CHD7: variants seen among roughly 807,000 people sequenced by gnomAD.
CHD7 encodes the protein ATP-dependent chromatin remodeler CHD7.
A neutral mutation model predicts 307.3 loss-of-function variants in CHD7; 24 were observed. The observed-to-expected ratio is 0.08, with a 90% CI of 0.06 to 0.11. The LOEUF is 0.11. Ranked by LOEUF, CHD7 falls within the 10% of genes least tolerant of loss-of-function variation. The pLI, the probability that CHD7 is intolerant of heterozygous loss-of-function variation, is 1.00. For synonymous variants in CHD7, 1,363 were observed against 1,349.9 expected, an observed-to-expected ratio of 1.01 and a Z score of -0.21; for missense variants, 3,106 against 3,727.1, an observed-to-expected ratio of 0.83 and a Z score of 4.34.
intron 1 of CHD7, among the ~76,000 whole-genome samples, chr8:60,694,772 AG>A (rs1806379276): frequency 6.6e-6 from 1 of 152,220 alleles, no homozygotes; most frequent in African/African-American, 2.4e-5. Context: ...TCTGGGACTC[AG>A]GGAAGATCAG....
In CHD7 at chr8:60,866,487, G is replaced by A. The variant is rs534176166; in HGVS notation, c.*554G>A. 6 of 152,572 alleles carry A rather than the reference G, an allele frequency of 3.9e-5. No individual in the cohort carries two copies. The highest frequency in any genetic ancestry group is 1.9e-4 in the East Asian group (1 of 5,172). The allele number at this position is 152,572 out of a possible 1,614,324, so 9.5% of individuals were successfully genotyped here. On this transcript the variant is annotated 3_prime_UTR_variant, in exon 38 of 38. Coordinates refer to ENST00000423902, the MANE Select transcript of CHD7 (RefSeq NM_017780.4). ...ACGCTAGTGTGAACGCCTCTGTCCCGAGGCGCAGCAATAATAAGGCAGCTG... is the reference window on the plus strand; with the variant it reads ...ACGCTAGTGTGAACGCCTCTGTCCCAAGGCGCAGCAATAATAAGGCAGCTG...
intron 7 of CHD7, 79 bp downstream of exon 7, chr8:60,808,351 G>A: frequency 2.3e-6 from 2 of 878,100 alleles, no homozygotes; most frequent in South Asian, 3.2e-5. Context: ...TTAAAGTTGG[G>A]AAATTAAGAA....
chr8:60,800,278 C>T lies in CHD7; in HGVS notation c.2239-110C>T, dbSNP rs554237273. 32 of 1,020,050 alleles carry T rather than the reference C, an allele frequency of 3.1e-5. No homozygotes were observed. In the East Asian group the frequency reaches 5.0e-4, roughly 16 times the overall value. 63.2% of individuals were successfully genotyped at this position (1,020,050 alleles called of 1,614,324 possible). A position where few individuals can be genotyped will look rare whatever the true frequency, so the allele number is the denominator to read the frequency against. Reference sequence around the variant, plus strand: ...CGATCTCCTGACCTTGTGATCCGCCCGCCTCGGCCTCCCAAAGTGCTGGGA... The same window carrying T: ...CGATCTCCTGACCTTGTGATCCGCCTGCCTCGGCCTCCCAAAGTGCTGGGA... On this transcript the variant is annotated intron_variant, in intron 4 of 37. Transcript: ENST00000423902.
chr8:60,697,416 A>G (rs139347091), intron 1 of CHD7, among the ~76,000 whole-genome samples: 5 of 152,332 alleles, frequency 3.3e-5, no homozygotes, highest in African/African-American at 9.6e-5. Flanking sequence ...TTACCCTCAA[A>G]CATTATTATA....
At chr8:60,825,933 C>G (rs908280600) in intron 13 of CHD7, among the ~76,000 whole-genome samples, 3 of 152,008 alleles carry the variant, frequency 2.0e-5, no homozygotes, top group Admixed American at 1.3e-4. Flanking sequence ...TGGTTTGCTG[C>G]ACCCATCAAC....
intron 3 of CHD7, among the ~76,000 whole-genome samples, chr8:60,788,050 A>G (rs1030372866): frequency 1.3e-5 from 2 of 151,302 alleles, no homozygotes; most frequent in South Asian, 2.1e-4. Flanking sequence ...TCAAACGCCT[A>G]TCCTCAAGTG....
chr8:60,718,341 G>T (rs1219138603), intron 1 of CHD7, among the ~76,000 whole-genome samples: 1 of 152,132 alleles, frequency 6.6e-6, no homozygotes, highest in Non-Finnish European at 1.5e-5. Context: ...AGCTGGGTGT[G>T]GTGGCAGGCG....
intron 8 of CHD7, among the ~76,000 whole-genome samples, chr8:60,819,152 A>G (rs1803899739): frequency 6.6e-6 from 1 of 152,056 alleles, no homozygotes; most frequent in Admixed American, 6.5e-5. Flanking sequence ...ACGGGGTTTC[A>G]CCATGTTGGC....
At chr8:60,824,213 A>T (rs1234086659) in intron 13 of CHD7, 197 bp downstream of exon 13, 3 of 559,590 alleles carry the variant, frequency 5.4e-6, no homozygotes, top group Non-Finnish European at 9.5e-6. Flanking sequence ...TGTCTGTTAA[A>T]CAGTTGTATT....
At position 60,741,401 on chromosome 8, in the gene CHD7, T is replaced by C; in HGVS notation, c.-32T>C. ...GTGAAGCACAGGCAAGCTCCTGAGC[T>C]GTGGTTTGGAGGAGCCGTGTGTTGG... On this transcript the variant is annotated 5_prime_UTR_variant, in exon 2 of 38. Transcript: ENST00000423902. 1 of 1,522,800 alleles carries C rather than the reference T, an allele frequency of 6.6e-7. No individual in the cohort carries two copies. Among genetic ancestry groups the C allele is most frequent in the Non-Finnish European group, 9.0e-7 (1 of 1,116,954 alleles). 94.3% of individuals were successfully genotyped at this position (1,522,800 alleles called of 1,614,324 possible).
At chr8:60,772,673 T>G (rs775986111) in intron 2 of CHD7, among the ~76,000 whole-genome samples, 22 of 152,196 alleles carry the variant, frequency 1.4e-4, no homozygotes, top group Non-Finnish European at 2.5e-4. Context: ...GTTCTATAGA[T>G]TCTCATTCCT....
intron 13 of CHD7, among the ~76,000 whole-genome samples, 154 bp from the exon 14 acceptor site, chr8:60,828,509 C>T (rs759991956): frequency 6.6e-6 from 1 of 152,200 alleles, no homozygotes; most frequent in African/African-American, 2.4e-5. Flanking sequence ...ACACAGAAAT[C>T]GTGTTCTAAT....
At chr8:60,696,127 AAG>A (rs1405219494) in intron 1 of CHD7, among the ~76,000 whole-genome samples, 1 of 152,252 alleles carries the variant, frequency 6.6e-6, no homozygotes, top group African/African-American at 2.4e-5. Flanking sequence ...TGAAGCTTGA[AAG>A]AGTACAAAAG....
intron 6 of CHD7, among the ~76,000 whole-genome samples, chr8:60,804,880 T>G (rs1019246609): frequency 2.0e-5 from 3 of 152,218 alleles, no homozygotes; most frequent in African/African-American, 7.2e-5. Context: ...GTTTGAAACT[T>G]TAAGTGTCAT....
intron 34 of CHD7, among the ~76,000 whole-genome samples, chr8:60,858,862 A>C (rs1388968474): frequency 1.3e-5 from 2 of 152,190 alleles, no homozygotes; most frequent in African/African-American, 4.8e-5. Context: ...CACCCACCTC[A>C]GCCTCCTGAA....
Position 60,781,271 on chromosome 8 carries a change from G to T in CHD7, c.1937G>T (p.Arg646Met). Residue 646 changes from arginine (R) to methionine (M), a missense_variant, in exon 3 of 38, where the codon AGG becomes ATG. By Grantham distance (91) the Arg-to-Met change is moderately conservative (BLOSUM62 -1). Transcript: ENST00000423902. Reference protein sequence around the residue: ...GSQEEKKKKKRSKAKKDPKEP... With the variant: ...GSQEEKKKKKMSKAKKDPKEP... ...CAAGAAGAAAAAAAGAAAAAGAAAA[G>T]GTCAAAGGCAAAAAAAGACCCGAAG... 6.4e-7 allele frequency: 1 copy of T among 1,564,242 alleles called. No individual in the cohort carries two copies. Among genetic ancestry groups the T allele is most frequent in the East Asian group, 2.4e-5 (1 of 41,976 alleles).
chr8:60,822,396 GC>G (rs1330447988), intron 11 of CHD7, 106 bp from the exon 12 acceptor site: 3 of 1,080,970 alleles, frequency 2.8e-6, no homozygotes, highest in African/African-American at 3.2e-5. Context: ...AACATCTAAA[GC>G]CTTTGGGTAT....
chr8:60,808,316 C>T, intron 7 of CHD7, 44 bp downstream of exon 7: 1 of 1,162,280 alleles, frequency 8.6e-7, no homozygotes. Flanking sequence ...GCTATATTTT[C>T]CAAGTAGTAA....
chr8:60,854,375 C>A lies in CHD7; in HGVS notation c.6788C>A (p.Ser2263Tyr). ...ACTCATTTCTCAGCAGGAGCTGTCT[C>A]TAGAGGGAAGAATTTTGATGAAGAA... ...ESSQPEAGAVSRGKNFDEESN... is the reference protein window; with the variant it reads ...ESSQPEAGAVYRGKNFDEESN... Residue 2263 changes from serine to tyrosine, a missense_variant, in exon 32 of 38, where the codon TCT becomes TAT. Physicochemically the swap from Ser to Tyr is moderately radical, Grantham distance 144. This residue lies in a region of CHD7 where 1,030 missense variants were observed against 1,165.4 expected (regional missense o/e 0.88). Transcript: ENST00000423902. The A allele has an allele frequency of 1.2e-6, 2 of 1,613,612 alleles. No individual in the cohort carries two copies. Among genetic ancestry groups the A allele is most frequent in the South Asian group, 2.2e-5 (2 of 91,028 alleles).
Sources: allele counts gnomAD v4.1 joint callset (sites outside exome capture counted in the v4.1 genomes callset), GRCh38; gene constraint gnomAD v4.1.1; regional missense constraint gnomAD v4.1.1; transcripts MANE v1.5; gene names NCBI Gene and HGNC (gene_info 2026-07-23, HGNC 2026-07-21).